Variants in AFAP1L2 observed in about 807,000 individuals in gnomAD.
AFAP1L2 encodes the protein actin filament-associated protein 1-like 2.
AFAP1L2 carries 46 observed loss-of-function variants against 99.3 expected under a neutral mutation model. The ratio of observed to expected loss-of-function variants is 0.46; its 90% CI spans 0.37 to 0.59. AFAP1L2 has a LOEUF of 0.59. AFAP1L2 is among the 20% of genes least tolerant of loss of function. The pLI is 0.00. For synonymous variants in AFAP1L2, 397 were observed against 419.1 expected, an observed-to-expected ratio of 0.95 and a Z score of 0.64; for missense variants, 959 against 1,034.9, an observed-to-expected ratio of 0.93 and a Z score of 1.01.
rs946720015 is a variant in AFAP1L2 at position 114,294,905 on chromosome 10, G to C, written c.*1137C>G. 3.1e-6 allele frequency: 3 copies of C among 980,458 alleles called. No individual in the cohort carries two copies. The highest frequency in any genetic ancestry group is 3.6e-6 in the Non-Finnish European group (3 of 827,126). 60.7% of individuals were successfully genotyped at this position (980,458 alleles called of 1,614,324 possible). On this transcript the variant is annotated 3_prime_UTR_variant, in exon 19 of 19. Coordinates refer to ENST00000304129, the MANE Select transcript of AFAP1L2 (RefSeq NM_001001936.3). ...AAGGTCACCAAATGTTTATGAGAGA[G>C]GAAATAAGAATAAAAAAGACATTTA...
intron 1 of AFAP1L2, among the ~76,000 whole-genome samples, chr10:114,379,178 A>G (rs1412524419): frequency 6.6e-6 from 1 of 150,848 alleles, no homozygotes; most frequent in Non-Finnish European, 1.5e-5. Context: ...GCACCACTGC[A>G]CTCCAGCCTG....
chr10:114,342,068 C>T (rs1032322613), intron 1 of AFAP1L2, among the ~76,000 whole-genome samples: 4 of 152,190 alleles, frequency 2.6e-5, no homozygotes, highest in African/African-American at 7.2e-5. Context: ...GGGTTTTCTA[C>T]GCTGGCATAC....
chr10:114,342,487 C>T (rs563484707), intron 1 of AFAP1L2, among the ~76,000 whole-genome samples: 44 of 152,312 alleles, frequency 2.9e-4, no homozygotes, highest in Non-Finnish European at 5.9e-4. Context: ...CTTGACGTGG[C>T]AAAGGGACTT....
intron 4 of AFAP1L2, among the ~76,000 whole-genome samples, chr10:114,325,506 C>G (rs2046126928): frequency 1.3e-5 from 2 of 152,216 alleles, no homozygotes; most frequent in African/African-American, 2.4e-5. Flanking sequence ...AGGCTCAGAA[C>G]AGCCTTCAGC....
Position 114,313,993 on chromosome 10 carries a change from T to C in AFAP1L2, c.670A>G (p.Ser224Gly), listed in dbSNP as rs938117274. The C allele has an allele frequency of 6.2e-7, 1 of 1,613,976 alleles. No individual in the cohort carries two copies. The change falls in exon 7 of 19, where the codon AGC (serine) becomes GGC (glycine). Residue 224 changes from serine to glycine, a missense_variant. By Grantham distance (56) the Ser-to-Gly change is moderately conservative. Transcript: ENST00000304129. Reference sequence around the variant, plus strand: ...ACTTGCTTCTCCTTGTGAATGACGCTGCTGCCCAGTAGGTTCACGTCCAGC... The same window carrying C: ...ACTTGCTTCTCCTTGTGAATGACGCCGCTGCCCAGTAGGTTCACGTCCAGC... ...PQLDVNLLGS[S>G]VIHKEKQVRK...
chr10:114,290,252 C>T (rs1185304290), downstream of AFAP1L2: 1 of 1,550,522 alleles, frequency 6.4e-7, no homozygotes, highest in African/African-American at 1.4e-5. Context: ...GCCAAGCAGC[C>T]AGTCAACCTC....
chr10:114,358,190 A>G (rs2051677208), intron 1 of AFAP1L2, among the ~76,000 whole-genome samples: 1 of 152,214 alleles, frequency 6.6e-6, no homozygotes, highest in Non-Finnish European at 1.5e-5. Context: ...GGCAACAAGG[A>G]TTAATAGGTT....
chr10:114,338,689 A>C (rs1234879866), intron 2 of AFAP1L2, among the ~76,000 whole-genome samples: 1 of 152,236 alleles, frequency 6.6e-6, no homozygotes, highest in African/African-American at 2.4e-5. Context: ...GTATGAATCC[A>C]TTTATACAGA....
rs1042610925 is a variant in AFAP1L2 at position 114,295,993 on chromosome 10, G to T, written c.*49C>A. 4 of 1,613,886 alleles carry T rather than the reference G, an allele frequency of 2.5e-6. No homozygotes were observed. The highest frequency in any genetic ancestry group is 3.3e-5 in the Admixed American group (2 of 60,012). On this transcript the variant is annotated 3_prime_UTR_variant, in exon 19 of 19. Coordinates refer to ENST00000304129, the MANE Select transcript of AFAP1L2 (RefSeq NM_001001936.3). ...GTTTTTGCTTTAACAAAGCAGGATT[G>T]TCACCAAGGTCCACATTGACATGAG... is the stretch of plus-strand genomic sequence containing the variant.
intron 1 of AFAP1L2, among the ~76,000 whole-genome samples, chr10:114,371,259 G>T (rs2054057335): frequency 6.6e-6 from 1 of 152,212 alleles, no homozygotes; most frequent in South Asian, 2.1e-4. Context: ...GTTCTCAAAG[G>T]AGAGAGCCAG....
chr10:114,285,117 C>T, the AFAP1L2 span: 3 of 598,972 alleles, frequency 5.0e-6, no homozygotes, highest in East Asian at 3.3e-5. Flanking sequence ...CTGCAGTTCA[C>T]GTGGTGCAGC....
chr10:114,321,997 A>G (rs1265688738), intron 5 of AFAP1L2, among the ~76,000 whole-genome samples: 1 of 152,124 alleles, frequency 6.6e-6, no homozygotes, highest in Non-Finnish European at 1.5e-5. Context: ...GTGGGAGGTA[A>G]TTGAATCATG....
At chr10:114,281,664 T>C in the AFAP1L2 span, 1 of 893,542 alleles carries the variant, frequency 1.1e-6, no homozygotes, top group Non-Finnish European at 1.3e-6. Flanking sequence ...TGGACACTTG[T>C]TGTGTGGACC....
chr10:114,313,761 A>C (rs2134661983), intron 7 of AFAP1L2, 110 bp downstream of exon 7: 2 of 1,176,502 alleles, frequency 1.7e-6, no homozygotes, highest in Middle Eastern at 3.0e-4. Flanking sequence ...AAGCCCTGCA[A>C]ACTTGAAGGA....
chr10:114,280,879 C>G, the AFAP1L2 span: 1 of 152,118 alleles, frequency 6.6e-6, no homozygotes, highest in Admixed American at 6.5e-5. Context: ...GTTGGGACTA[C>G]AGACACGCAC....
intron 1 of AFAP1L2, among the ~76,000 whole-genome samples, chr10:114,372,324 C>T (rs529214447): frequency 2.2e-4 from 33 of 152,290 alleles, no homozygotes; most frequent in African/African-American, 7.5e-4. Context: ...CTGTAAACAC[C>T]AAGCCCAGCC....
At chr10:114,311,582 G>A (rs1346568572) in intron 7 of AFAP1L2, among the ~76,000 whole-genome samples, 1 of 152,174 alleles carries the variant, frequency 6.6e-6, no homozygotes, top group Admixed American at 6.5e-5. Context: ...CCTTTGCCAC[G>A]AGCCAGCTGT....
chr10:114,378,194 T>C (rs989139056), intron 1 of AFAP1L2, among the ~76,000 whole-genome samples: 2 of 152,236 alleles, frequency 1.3e-5, no homozygotes, highest in African/African-American at 4.8e-5. Flanking sequence ...ACAATTCTTT[T>C]CCGCTTCAAT....
chr10:114,334,113 A>G (rs1311355029), intron 2 of AFAP1L2, among the ~76,000 whole-genome samples: 1 of 152,214 alleles, frequency 6.6e-6, no homozygotes, highest in Non-Finnish European at 1.5e-5. Context: ...TCCTGAGAAT[A>G]AGAACTGAGG....
Sources: gnomAD v4.1 joint callset for allele counts (sites outside exome capture counted in the v4.1 genomes callset) on GRCh38, gnomAD v4.1.1 for gene constraint, MANE v1.5 for transcripts, NCBI Gene and HGNC (gene_info 2026-07-23, HGNC 2026-07-21) for gene names.